LRRN3: variants seen among roughly 807,000 people sequenced by gnomAD.
LRRN3 encodes the protein leucine rich repeat neuronal 3.
A neutral mutation model predicts 40.1 loss-of-function variants in LRRN3; 15 were observed. The ratio of observed to expected loss-of-function variants is 0.37; its 90% CI spans 0.25 to 0.58. The LOEUF is 0.58. LRRN3 is among the 20% of genes least tolerant of loss of function. The probability of loss-of-function intolerance (pLI) is 0.72; values close to 1 mark genes in which losing one functional copy is unlikely to be tolerated. For synonymous variants in LRRN3, 308 were observed against 297.2 expected (o/e 1.04, Z -0.37); for missense variants, 746 against 837.7 (o/e 0.89, Z 1.35).
Position 111,125,284 on chromosome 7 carries a change from T to C in LRRN3, c.*385T>C, listed in dbSNP as rs918192446. 5.7e-6 allele frequency: 1 copy of C among 175,200 alleles called. No individual in the cohort carries two copies. The highest frequency in any genetic ancestry group is 2.4e-5 in the African/African-American group (1 of 41,698). The allele number at this position is 175,200 out of a possible 1,614,324, so 10.9% of individuals were successfully genotyped here. A position where few individuals can be genotyped will look rare whatever the true frequency, so the allele number is the denominator to read the frequency against. On this transcript the variant is annotated 3_prime_UTR_variant, in exon 3 of 3. Transcript: ENST00000308478. ...ATTACACATATTAGCCACGAGTTTT[T>C]GCAGTGACCAGATAAACTTGAATTG...
At position 111,123,479 on chromosome 7, in the gene LRRN3, A is replaced by T. The variant is rs1586432813; in HGVS notation, c.707A>T (p.Glu236Val). Residue 236 changes from glutamate (E) to valine (V), a missense_variant, in exon 3 of 3, where the codon GAA becomes GTA. Coordinates refer to ENST00000308478, the MANE Select transcript of LRRN3 (RefSeq NM_001099658.2). The surrounding 1 kb of genome is among the most constrained non-coding windows in gnomAD (Gnocchi z 6.4). ...EIPDNALVGL[E>V]NLESISFYDN... Reference sequence around the variant, plus strand: ...CCAGATAACGCCTTGGTTGGACTGGAAAACTTAGAAAGCATCTCTTTTTAC... The same window carrying T: ...CCAGATAACGCCTTGGTTGGACTGGTAAACTTAGAAAGCATCTCTTTTTAC... 1 of 1,613,864 alleles carries T rather than the reference A, an allele frequency of 6.2e-7. No homozygotes were observed. The highest frequency in any genetic ancestry group is 1.7e-5 in the Admixed American group (1 of 59,946).
chr7:111,111,979 GCT>G (rs1482694307), intron 2 of LRRN3, among the ~76,000 whole-genome samples: 1 of 95,186 alleles, frequency 1.1e-5, no homozygotes, highest in African/African-American at 4.2e-5. Context: ...ATGGAGTCTT[GCT>G]CTGTCTCCCA....
At chr7:111,101,765 C>G (rs921612878) in intron 2 of LRRN3, among the ~76,000 whole-genome samples, 1 of 151,322 alleles carries the variant, frequency 6.6e-6, no homozygotes, top group Non-Finnish European at 1.5e-5. Flanking sequence ...CTGGGACATT[C>G]AAAGTAAATA....
chr7:111,107,319 C>T (rs187895154), intron 2 of LRRN3, among the ~76,000 whole-genome samples: 10 of 152,070 alleles, frequency 6.6e-5, no homozygotes, highest in East Asian at 3.9e-4. Context: ...TATATTACAA[C>T]GCCAGCCCTA....
chr7:111,122,749 A>T lies in LRRN3; in HGVS notation c.-24A>T. The T allele has an allele frequency of 6.3e-7, 1 of 1,587,924 alleles. No homozygotes were observed. Among genetic ancestry groups the T allele is most frequent in the Non-Finnish European group, 8.6e-7 (1 of 1,164,246 alleles). ...ACTGTGGAATCCTTAAGGGCCCATT[A>T]CATTTCTGAAGAAGAAAGCTAAGAT... On this transcript the variant is annotated 5_prime_UTR_variant, in exon 3 of 3. Coordinates refer to ENST00000308478, the MANE Select transcript of LRRN3 (RefSeq NM_001099658.2).
At chr7:111,111,938 G>GTTTTTTTT (rs1554519289) in intron 2 of LRRN3, among the ~76,000 whole-genome samples, 2 of 118,526 alleles carry the variant, frequency 1.7e-5, no homozygotes, top group Non-Finnish European at 3.4e-5. Context: ...TATATATATA[G>GTTTTTTTT]TTTGTTTTTT....
intron 2 of LRRN3, among the ~76,000 whole-genome samples, chr7:111,120,326 T>C (rs1393854447): frequency 6.6e-6 from 1 of 152,122 alleles, no homozygotes; most frequent in South Asian, 2.1e-4. Flanking sequence ...TCATGGCAGA[T>C]GGCAAAAGGC....
intron 2 of LRRN3, among the ~76,000 whole-genome samples, chr7:111,115,348 C>A (rs1799752430): frequency 6.6e-6 from 1 of 152,122 alleles, no homozygotes; most frequent in Non-Finnish European, 1.5e-5. Flanking sequence ...GTCAACTTCA[C>A]AAATAATGCT....
chr7:111,093,780 T>C (rs1374919948), intron 1 of LRRN3, among the ~76,000 whole-genome samples: 1 of 152,152 alleles, frequency 6.6e-6, no homozygotes. Context: ...TGGACATTTG[T>C]GTATGACTGG....
chr7:111,096,280 T>G (rs1333431208), intron 1 of LRRN3, among the ~76,000 whole-genome samples: 1 of 151,806 alleles, frequency 6.6e-6, no homozygotes. Flanking sequence ...TGCAAGGGTC[T>G]CTGACTCCAG....
intron 2 of LRRN3, among the ~76,000 whole-genome samples, chr7:111,120,046 T>C (rs890838150): frequency 6.6e-6 from 1 of 152,200 alleles, no homozygotes; most frequent in Non-Finnish European, 1.5e-5. Flanking sequence ...GCTCTACCAA[T>C]AGGGAGAAGG....
chr7:111,119,063 C>T (rs1183651577), intron 2 of LRRN3, among the ~76,000 whole-genome samples: 3 of 152,140 alleles, frequency 2.0e-5, no homozygotes, highest in Non-Finnish European at 4.4e-5. Flanking sequence ...AATGCCTCAT[C>T]TTTAATATTT....
At chr7:111,105,425 C>T (rs1798436362) in intron 2 of LRRN3, among the ~76,000 whole-genome samples, 1 of 151,828 alleles carries the variant, frequency 6.6e-6, no homozygotes, top group Non-Finnish European at 1.5e-5. Context: ...CACAACAGTA[C>T]ATAAATTGAC....
intron 2 of LRRN3, among the ~76,000 whole-genome samples, chr7:111,104,310 T>C (rs1312770552): frequency 6.6e-6 from 1 of 151,800 alleles, no homozygotes; most frequent in Non-Finnish European, 1.5e-5. Flanking sequence ...CTGTAAATGT[T>C]TACTTCTGTA....
At chr7:111,102,335 C>T (rs1318102164) in intron 2 of LRRN3, among the ~76,000 whole-genome samples, 1 of 151,312 alleles carries the variant, frequency 6.6e-6, no homozygotes, top group African/African-American at 2.4e-5. Context: ...AAACTCAACC[C>T]TATAGAGAAA....
rs1800784750 is a variant in LRRN3 at position 111,122,606 on chromosome 7, A to G, written c.-167A>G. On this transcript the variant is annotated 5_prime_UTR_variant, in exon 3 of 3. Coordinates refer to ENST00000308478, the MANE Select transcript of LRRN3 (RefSeq NM_001099658.2). ...ATGCATGACATTTTTGGACAATGCA[A>G]TTGTGGCACTGGCACTTATTTCAGT... is the stretch of plus-strand genomic sequence containing the variant. The G allele has an allele frequency of 3.3e-6, 2 of 600,830 alleles. No homozygotes were observed. Among genetic ancestry groups the G allele is most frequent in the East Asian group, 2.8e-5 (1 of 36,110 alleles). The allele number at this position is 600,830 out of a possible 1,614,324, so 37.2% of individuals were successfully genotyped here.
chr7:111,110,475 C>A (rs1799073321), intron 2 of LRRN3, among the ~76,000 whole-genome samples: 1 of 152,068 alleles, frequency 6.6e-6, no homozygotes, highest in South Asian at 2.1e-4. Context: ...ATCTTACTAA[C>A]CAGTGTCATG....
At chr7:111,101,468 A>G (rs1797966973) in intron 2 of LRRN3, among the ~76,000 whole-genome samples, 1 of 151,454 alleles carries the variant, frequency 6.6e-6, no homozygotes, top group African/African-American at 2.4e-5. Flanking sequence ...TTTCTGCACA[A>G]AGTTACAGAA....
chr7:111,093,231 C>G (rs1043124418), intron 1 of LRRN3, among the ~76,000 whole-genome samples: 1 of 152,172 alleles, frequency 6.6e-6, no homozygotes. Flanking sequence ...GAAGCATCAG[C>G]TTGCAATATT....
Sources: allele counts gnomAD v4.1 joint callset (sites outside exome capture counted in the v4.1 genomes callset), GRCh38; gene constraint gnomAD v4.1.1; non-coding constraint Gnocchi (gnomAD v3.1); transcripts MANE v1.5; gene names NCBI Gene and HGNC (gene_info 2026-07-23, HGNC 2026-07-21).